Variants in STAG1 observed in about 807,000 individuals in gnomAD.
STAG1 encodes the protein STAG1 cohesin complex component.
A neutral mutation model predicts 170.9 loss-of-function variants in STAG1; 26 were observed. The observed-to-expected ratio is 0.15, with a 90% CI of 0.11 to 0.21. The LOEUF is 0.21. Ranked by LOEUF, STAG1 falls within the 10% of genes least tolerant of loss-of-function variation. STAG1 has a pLI of 1.00. For synonymous variants in STAG1, 514 were observed against 497.7 expected (o/e 1.03, Z -0.44); for missense variants, 964 against 1,509.5 (o/e 0.64, Z 5.99).
At chr3:136,539,538 T>C (rs910912624) in intron 6 of STAG1, among the ~76,000 whole-genome samples, 1 of 152,180 alleles carries the variant, frequency 6.6e-6, no homozygotes, top group African/African-American at 2.4e-5. Flanking sequence ...TTAAAACATA[T>C]GAAAACTATG....
At chr3:136,560,297 T>C (rs1256312176) in intron 5 of STAG1, among the ~76,000 whole-genome samples, 2 of 152,196 alleles carry the variant, frequency 1.3e-5, no homozygotes, top group East Asian at 3.8e-4. Context: ...AATAGGCACA[T>C]CTGTCAATGA....
At chr3:136,565,087 AGGGAGG>A (rs1937022553) in intron 5 of STAG1, among the ~76,000 whole-genome samples, 1 of 25,932 alleles carries the variant, frequency 3.9e-5, no homozygotes, top group Non-Finnish European at 7.6e-5. Context: ...GGAGGGAGGG[AGGGAGG>A]AAAGGAAAGA....
At chr3:136,568,976 T>C in intron 4 of STAG1, 115 bp from the exon 5 acceptor site, 1 of 676,140 alleles carries the variant, frequency 1.5e-6, no homozygotes, top group Non-Finnish European at 2.5e-6. Flanking sequence ...AGAAAATTAC[T>C]TACCTGAAAT....
chr3:136,436,127 T>C (rs1272195961), intron 15 of STAG1, among the ~76,000 whole-genome samples: 1 of 152,016 alleles, frequency 6.6e-6, no homozygotes, highest in East Asian at 1.9e-4. Flanking sequence ...GGCTAATTTT[T>C]GTATTTTTAG....
chr3:136,381,024 GAAAAAAAAAA>G, intron 22 of STAG1, among the ~76,000 whole-genome samples: 1 of 73,176 alleles, frequency 1.4e-5, no homozygotes, highest in Admixed American at 1.4e-4. Context: ...ACCCTGTCTC[GAAAAAAAAAA>G]AAGAAAAAAA....
chr3:136,439,158 G>A (rs2088550354), intron 15 of STAG1, among the ~76,000 whole-genome samples: 1 of 132,070 alleles, frequency 7.6e-6, no homozygotes, highest in Admixed American at 8.9e-5. Context: ...ATCCGCCACT[G>A]CACTACAGCC....
At chr3:136,466,030 T>C (rs1041934945) in intron 12 of STAG1, among the ~76,000 whole-genome samples, 1 of 151,912 alleles carries the variant, frequency 6.6e-6, no homozygotes, top group Non-Finnish European at 1.5e-5. Flanking sequence ...AGACCAAAGG[T>C]AGATAAAACC....
At chr3:136,703,328 G>A (rs1300300040) in intron 1 of STAG1, among the ~76,000 whole-genome samples, 1 of 152,116 alleles carries the variant, frequency 6.6e-6, no homozygotes, top group Non-Finnish European at 1.5e-5. Flanking sequence ...CACCAGCTAG[G>A]AGGCAAGCAC....
intron 5 of STAG1, among the ~76,000 whole-genome samples, chr3:136,549,733 G>C (rs1331235107): frequency 2.0e-5 from 3 of 151,882 alleles, no homozygotes; most frequent in African/African-American, 7.3e-5. Flanking sequence ...GGTGAGAGTG[G>C]GCATCCTCAC....
chr3:136,389,220 C>T (rs769761655), intron 22 of STAG1, among the ~76,000 whole-genome samples: 7 of 152,174 alleles, frequency 4.6e-5, no homozygotes, highest in African/African-American at 7.2e-5. Context: ...TATTTGTAAA[C>T]GAGGCAACTG....
At chr3:136,580,537 T>TC (rs1937569351) in intron 4 of STAG1, among the ~76,000 whole-genome samples, 1 of 143,244 alleles carries the variant, frequency 7.0e-6, no homozygotes, top group Non-Finnish European at 1.5e-5. Flanking sequence ...TTTTTTTTTT[T>TC]TTTTTTTGAG....
At chr3:136,405,343 T>C (rs2087450531) in intron 21 of STAG1, among the ~76,000 whole-genome samples, 1 of 146,716 alleles carries the variant, frequency 6.8e-6, no homozygotes, top group Non-Finnish European at 1.5e-5. Context: ...CCAGGTTCAG[T>C]GAATTCTTGT....
intron 5 of STAG1, among the ~76,000 whole-genome samples, chr3:136,543,144 C>A (rs1935987031): frequency 6.6e-6 from 1 of 151,884 alleles, no homozygotes; most frequent in African/African-American, 2.4e-5. Context: ...CTGGTTGCCT[C>A]CAAGAAAGAG....
intron 22 of STAG1, among the ~76,000 whole-genome samples, chr3:136,379,682 C>G (rs536604564): frequency 1.4e-4 from 21 of 152,194 alleles, no homozygotes; most frequent in African/African-American, 5.1e-4. Flanking sequence ...GCACCCCAGC[C>G]CGGTCAATAG....
At chr3:136,434,488 T>C (rs1005172858) in intron 15 of STAG1, among the ~76,000 whole-genome samples, 4 of 152,216 alleles carry the variant, frequency 2.6e-5, no homozygotes, top group African/African-American at 9.6e-5. Flanking sequence ...TGTCTATGTT[T>C]ATTCTTCACC....
At chr3:136,552,218 A>T in intron 5 of STAG1, among the ~76,000 whole-genome samples, 1 of 152,250 alleles carries the variant, frequency 6.6e-6, no homozygotes, top group Non-Finnish European at 1.5e-5. Flanking sequence ...ACAACAATAT[A>T]CAAAGTAAAT....
intron 7 of STAG1, among the ~76,000 whole-genome samples, chr3:136,504,111 ATTTC>A: frequency 6.6e-6 from 1 of 152,242 alleles, no homozygotes; most frequent in African/African-American, 2.4e-5. Flanking sequence ...CTGTATCTGT[ATTTC>A]TATCTACACG....
At chr3:136,518,402 C>A (rs1934490018) in intron 7 of STAG1, 1 of 700,098 alleles carries the variant, frequency 1.4e-6, no homozygotes, top group South Asian at 1.5e-5. Context: ...TTTATCTAGT[C>A]CCCAAGACTT....
At chr3:136,625,317 G>A (rs187922707) in intron 2 of STAG1, among the ~76,000 whole-genome samples, 2 of 152,248 alleles carry the variant, frequency 1.3e-5, no homozygotes, top group South Asian at 2.1e-4. Context: ...CTCCCTTGGA[G>A]ATTTCATCCA....
Sources: allele counts gnomAD v4.1 joint callset (sites outside exome capture counted in the v4.1 genomes callset), GRCh38; gene constraint gnomAD v4.1.1; transcripts MANE v1.5; gene names NCBI Gene and HGNC (gene_info 2026-07-23, HGNC 2026-07-21).